The following NIBAN1 variants were observed in gnomAD, a reference collection of about 807,000 sequenced individuals.
NIBAN1 encodes protein Niban 1.
In NIBAN1, 81 loss-of-function variants were observed where a neutral mutation model predicts 75.1. That is an observed-to-expected ratio of 1.08 (90% confidence interval 0.90 to 1.30). The LOEUF is 1.30. Ranked by LOEUF, NIBAN1 falls within the 50% of genes most tolerant of loss-of-function variation. NIBAN1 has a pLI of 0.00. For missense variants in NIBAN1, 1,133 were observed against 1,128.1 expected (o/e 1.00, Z -0.06); for synonymous variants, 436 against 424.8 (o/e 1.03, Z -0.32).
intron 1 of NIBAN1, among the ~76,000 whole-genome samples, chr1:184,936,990 T>C (rs1300610558): frequency 6.6e-6 from 1 of 152,134 alleles, no homozygotes; most frequent in Non-Finnish European, 1.5e-5. Context: ...TACAAGACTC[T>C]TCTCCATCCT....
intron 4 of NIBAN1, among the ~76,000 whole-genome samples, chr1:184,888,405 A>G (rs1325936682): frequency 6.6e-6 from 1 of 152,248 alleles, no homozygotes; most frequent in African/African-American, 2.4e-5. Flanking sequence ...AACCAAAAGC[A>G]ACATTGATCC....
At chr1:184,942,272 G>A (rs1039629140) in intron 1 of NIBAN1, among the ~76,000 whole-genome samples, 1 of 152,248 alleles carries the variant, frequency 6.6e-6, no homozygotes, top group African/African-American at 2.4e-5. Flanking sequence ...CTTGCTGTGT[G>A]CATTAAAGTT....
Position 184,857,927 on chromosome 1 carries a change from T to TA in NIBAN1, c.602-25966dup, listed in dbSNP as rs913540852. 1.5e-3 allele frequency among the ~76,000 whole-genome samples: 222 copies of TA among 147,626 alleles called. 1 individual carries two copies. Among genetic ancestry groups the TA allele is most frequent in the African/African-American group, 5.0e-3 (202 of 40,286 alleles). ...CCACACAGACTGGAAACTCAAATGTTAAAAAAAAAATAGCAATATAAAACC... is the reference window on the plus strand; with the variant it reads ...CCACACAGACTGGAAACTCAAATGTTAAAAAAAAAAATAGCAATATAAAACC... On this transcript the variant is annotated intron_variant, in intron 5 of 13. Transcript: ENST00000367511.
chr1:184,947,027 C>T (rs931288641), intron 1 of NIBAN1, among the ~76,000 whole-genome samples: 4 of 151,420 alleles, frequency 2.6e-5, no homozygotes, highest in Non-Finnish European at 4.4e-5. Context: ...GAGCCAAGAC[C>T]GCGCCATTGC....
chr1:184,795,657 T>C lies in NIBAN1; in HGVS notation c.2107A>G (p.Ile703Val). Residue 703 changes from isoleucine to valine, a missense_variant, in exon 14 of 14, where the codon ATC becomes GTC. Coordinates refer to ENST00000367511, the MANE Select transcript of NIBAN1 (RefSeq NM_052966.4). ...EEPAQEEPEP[I>V]TASGSLKALR... Reference sequence around the variant, plus strand: ...GCCTTCAAAGAACCCGAGGCAGTGATGGGTTCTGGCTCTTCCTGGGCGGGT... The same window carrying C: ...GCCTTCAAAGAACCCGAGGCAGTGACGGGTTCTGGCTCTTCCTGGGCGGGT... 1 of 1,614,198 alleles carries C rather than the reference T, an allele frequency of 6.2e-7. No homozygotes were observed. The highest frequency in any genetic ancestry group is 8.5e-7 in the Non-Finnish European group (1 of 1,180,032).
chr1:184,871,873 A>G (rs897153097), intron 5 of NIBAN1, among the ~76,000 whole-genome samples: 3 of 152,210 alleles, frequency 2.0e-5, no homozygotes, highest in African/African-American at 7.2e-5. Flanking sequence ...GAGAAATCAT[A>G]ATCAGAAGGA....
At chr1:184,951,748 C>T (rs543610674) in intron 1 of NIBAN1, among the ~76,000 whole-genome samples, 2 of 152,120 alleles carry the variant, frequency 1.3e-5, no homozygotes, top group Admixed American at 6.6e-5. Flanking sequence ...CAGACTATGG[C>T]GTTCCTCTCC....
intron 1 of NIBAN1, among the ~76,000 whole-genome samples, chr1:184,907,162 A>G (rs1361129327): frequency 6.6e-6 from 1 of 152,214 alleles, no homozygotes; most frequent in African/African-American, 2.4e-5. Context: ...TTTTAAAAAT[A>G]GTTGAGACTG....
At chr1:184,936,711 G>A (rs573609672) in intron 1 of NIBAN1, among the ~76,000 whole-genome samples, 14 of 151,978 alleles carry the variant, frequency 9.2e-5, no homozygotes, top group Admixed American at 2.0e-4. Context: ...GTGTGTGTGC[G>A]TGTGTGTGTG....
intron 5 of NIBAN1, among the ~76,000 whole-genome samples, chr1:184,854,672 A>C (rs1256008366): frequency 6.6e-6 from 1 of 152,214 alleles, no homozygotes; most frequent in Non-Finnish European, 1.5e-5. Flanking sequence ...TCATTTCCAA[A>C]CAGGATACAG....
chr1:184,823,840 G>A (rs576050306), intron 6 of NIBAN1, 98 bp from the exon 7 acceptor site: 173 of 939,784 alleles, frequency 1.8e-4, no homozygotes, highest in Admixed American at 1.5e-3. Flanking sequence ...TCCCTGTCCC[G>A]GACCAGATGA....
In NIBAN1 at chr1:184,808,156, T is replaced by C; in HGVS notation, c.1253A>G (p.Glu418Gly). Residue 418 changes from glutamate to glycine, a missense_variant, in exon 10 of 14, where the codon GAG becomes GGG. Physicochemically the swap from Glu to Gly is moderately conservative, Grantham distance 98. Transcript: ENST00000367511. ...PCYTKVNLLH[E>G]RLQDLKSRFR... is the part of the protein sequence containing the mutation. ...GCGGCTCTTGAGATCCTGCAGGCGC[T>C]CGTGAAGCAGGTTGACTTTAGTATA... 1.9e-6 allele frequency: 3 copies of C among 1,614,082 alleles called. No homozygotes were observed. The highest frequency in any genetic ancestry group is 1.7e-6 in the Non-Finnish European group (2 of 1,180,004).
At chr1:184,972,442 A>C (rs1251699099) in intron 1 of NIBAN1, among the ~76,000 whole-genome samples, 2 of 152,114 alleles carry the variant, frequency 1.3e-5, no homozygotes, top group East Asian at 3.9e-4. Context: ...AACACCATGC[A>C]TTTTTCCAAG....
At chr1:184,801,526 C>T (rs567913701) in intron 12 of NIBAN1, among the ~76,000 whole-genome samples, 5 of 152,174 alleles carry the variant, frequency 3.3e-5, no homozygotes, top group Non-Finnish European at 7.3e-5. Context: ...CACGTGGTCC[C>T]CCATTCCTAT....
chr1:184,948,219 G>A (rs998428224), intron 1 of NIBAN1, among the ~76,000 whole-genome samples: 6 of 152,134 alleles, frequency 3.9e-5, no homozygotes, highest in African/African-American at 1.4e-4. Context: ...CTTAGAAAGA[G>A]CTAATTCCAG....
chr1:184,946,571 G>A (rs953384633), intron 1 of NIBAN1, among the ~76,000 whole-genome samples: 1 of 152,188 alleles, frequency 6.6e-6, no homozygotes, highest in Admixed American at 6.5e-5. Context: ...ACAGTAATGG[G>A]AAGTCTTGAA....
At chr1:184,908,869 T>C (rs1657169323) in intron 1 of NIBAN1, among the ~76,000 whole-genome samples, 1 of 152,124 alleles carries the variant, frequency 6.6e-6, no homozygotes, top group South Asian at 2.1e-4. Context: ...TTTACAAAAA[T>C]GAGAGGGAAG....
At chr1:184,824,104 G>T (rs1042142242) in intron 6 of NIBAN1, among the ~76,000 whole-genome samples, 9 of 152,194 alleles carry the variant, frequency 5.9e-5, no homozygotes, top group African/African-American at 1.9e-4. Flanking sequence ...CAGCAAAATT[G>T]TGAAGGAATT....
chr1:184,827,978 CG>C (rs1654891985), intron 6 of NIBAN1, among the ~76,000 whole-genome samples: 1 of 138,130 alleles, frequency 7.2e-6, no homozygotes, highest in Non-Finnish European at 1.6e-5. Context: ...TTTTTTTTTC[CG>C]TCTTGAAACT....
Sources: gnomAD v4.1 joint callset for allele counts (sites outside exome capture counted in the v4.1 genomes callset) on GRCh38, gnomAD v4.1.1 for gene constraint, MANE v1.5 for transcripts, NCBI Gene and HGNC (gene_info 2026-07-23, HGNC 2026-07-21) for gene names.